Variants in ZDHHC14 observed in about 807,000 individuals in gnomAD.
ZDHHC14 encodes the protein zDHHC palmitoyltransferase 14, also known as palmitoyltransferase ZDHHC14.
A neutral mutation model predicts 47.7 loss-of-function variants in ZDHHC14; 16 were observed. The observed-to-expected ratio is 0.34, with a 90% CI of 0.23 to 0.51. The LOEUF (loss-of-function observed/expected upper bound fraction) is 0.51. Ranked by LOEUF, ZDHHC14 falls within the 20% of genes least tolerant of loss-of-function variation. ZDHHC14 has a pLI of 0.97. For missense variants in ZDHHC14, 515 were observed against 662.5 expected (o/e 0.78, Z 2.44); for synonymous variants, 293 against 278.9 (o/e 1.05, Z -0.50).
intron 1 of ZDHHC14, among the ~76,000 whole-genome samples, chr6:157,511,043 G>A (rs1444550874): frequency 6.6e-6 from 1 of 152,198 alleles, no homozygotes; most frequent in Non-Finnish European, 1.5e-5. Flanking sequence ...CTCGCCGACC[G>A]CAGCCTCCGC....
chr6:157,383,260 A>G (rs1777249730), intron 1 of ZDHHC14, among the ~76,000 whole-genome samples: 1 of 152,178 alleles, frequency 6.6e-6, no homozygotes, highest in African/African-American at 2.4e-5. Context: ...TCCTATGTTC[A>G]ATGAAAGGTG....
In ZDHHC14 at chr6:157,592,970, CTCT is replaced by C. The variant is rs772135347; in HGVS notation, c.407-13_407-11del. 4.4e-6 allele frequency: 7 copies of C among 1,604,204 alleles called. No individual in the cohort carries two copies. The South Asian group carries it at 4.5e-5, about 10-fold the overall frequency. ...GAGGCTCTGAAGGTGTGCGCTCTTT[CTCT>C]TCTTTTCTCCACAGATATCGCAAAC... On this transcript the variant is annotated splice_polypyrimidine_tract_variant and intron_variant, in intron 2 of 8. Coordinates refer to ENST00000359775, the MANE Select transcript of ZDHHC14 (RefSeq NM_024630.3).
At chr6:157,422,573 G>A (rs546439668) in intron 1 of ZDHHC14, among the ~76,000 whole-genome samples, 3 of 152,292 alleles carry the variant, frequency 2.0e-5, no homozygotes, top group South Asian at 4.1e-4. Context: ...CATAGAACCC[G>A]AGGTAACTGA....
chr6:157,487,177 G>A (rs1350594856), intron 1 of ZDHHC14, among the ~76,000 whole-genome samples: 1 of 152,220 alleles, frequency 6.6e-6, no homozygotes, highest in Non-Finnish European at 1.5e-5. Flanking sequence ...CCCGGCCCTG[G>A]CCACCTTGCC....
chr6:157,488,768 G>T (rs980748927), intron 1 of ZDHHC14, among the ~76,000 whole-genome samples: 3 of 152,196 alleles, frequency 2.0e-5, no homozygotes, highest in African/African-American at 7.2e-5. Flanking sequence ...TCACAGACGT[G>T]TCTTTAAGAA....
intron 1 of ZDHHC14, among the ~76,000 whole-genome samples, chr6:157,527,122 G>A (rs147283956): frequency 0.016 from 2,460 of 152,256 alleles, 34 homozygotes; most frequent in Admixed American, 0.026. Flanking sequence ...ATGGCCGTAG[G>A]TAAGGCCAAC....
intron 1 of ZDHHC14, among the ~76,000 whole-genome samples, chr6:157,422,251 ACT>A (rs1431698434): frequency 6.6e-6 from 1 of 151,516 alleles, no homozygotes; most frequent in Non-Finnish European, 1.5e-5. Flanking sequence ...ATGTCAGAAA[ACT>A]CTCTGTGTTA....
At chr6:157,468,801 GT>G in intron 1 of ZDHHC14, among the ~76,000 whole-genome samples, 1 of 152,300 alleles carries the variant, frequency 6.6e-6, no homozygotes, top group East Asian at 1.9e-4. Flanking sequence ...CATTCTTACT[GT>G]TAATTAGTCC....
At position 157,645,897 on chromosome 6, in the gene ZDHHC14, GA is replaced by G. The variant is rs1401215248; in HGVS notation, c.855+63del. 9 of 1,470,978 alleles carry G rather than the reference GA, an allele frequency of 6.1e-6. No homozygotes were observed. The African/African-American group carries it at 8.4e-5, about 14-fold the overall frequency. The allele number at this position is 1,470,978 out of a possible 1,614,324, so 91.1% of individuals were successfully genotyped here. ...TTCTTGGGTTTTGGGCAATGGAGGA[GA>G]AAAAGGAAAGAAAAGGTTGAGCCCA... is the stretch of plus-strand genomic sequence containing the variant. On this transcript the variant is annotated intron_variant, in intron 6 of 8. Coordinates refer to ENST00000359775, the MANE Select transcript of ZDHHC14 (RefSeq NM_024630.3).
chr6:157,633,124 T>C (rs554326661), intron 5 of ZDHHC14, among the ~76,000 whole-genome samples: 1 of 152,080 alleles, frequency 6.6e-6, no homozygotes, highest in Non-Finnish European at 1.5e-5. Context: ...CCCCCAGAAA[T>C]CAGCATGGAT....
At chr6:157,431,231 G>A (rs753113713) in intron 1 of ZDHHC14, among the ~76,000 whole-genome samples, 13 of 152,184 alleles carry the variant, frequency 8.5e-5, no homozygotes, top group Non-Finnish European at 1.8e-4. Context: ...AAGGCTCAGG[G>A]AGGCTTGTAA....
intron 1 of ZDHHC14, among the ~76,000 whole-genome samples, chr6:157,424,197 A>C (rs887277899): frequency 6.6e-6 from 1 of 152,224 alleles, no homozygotes; most frequent in Non-Finnish European, 1.5e-5. Flanking sequence ...GTTCTGTCTG[A>C]AAAATGTGTT....
intron 3 of ZDHHC14, among the ~76,000 whole-genome samples, chr6:157,617,243 A>G (rs1166193067): frequency 6.6e-6 from 1 of 152,186 alleles, no homozygotes; most frequent in Non-Finnish European, 1.5e-5. Context: ...ACATATTTGC[A>G]TTTCTTTGCT....
rs76243743 is a variant in ZDHHC14 at position 157,658,736 on chromosome 6, G to A, written c.1068+5109G>A. On this transcript the variant is annotated intron_variant, in intron 8 of 8. Coordinates refer to ENST00000359775, the MANE Select transcript of ZDHHC14 (RefSeq NM_024630.3). Reference sequence around the variant, plus strand: ...GTTTGCTAGTATTTTGTTAAGGATCGTTCTGTCTGTATTCATAAGGGAATT... The same window carrying A: ...GTTTGCTAGTATTTTGTTAAGGATCATTCTGTCTGTATTCATAAGGGAATT... 7.2e-3 allele frequency among the ~76,000 whole-genome samples: 1,091 copies of A among 152,232 alleles called. 7 individuals are homozygous for A. Among genetic ancestry groups the A allele is most frequent in the Non-Finnish European group, 0.01 (712 of 68,016 alleles).
intron 3 of ZDHHC14, among the ~76,000 whole-genome samples, chr6:157,597,422 G>A (rs1784175648): frequency 6.6e-6 from 1 of 152,230 alleles, no homozygotes; most frequent in Non-Finnish European, 1.5e-5. Context: ...GCTTTCGCTG[G>A]AATGCGTATT....
intron 1 of ZDHHC14, among the ~76,000 whole-genome samples, chr6:157,406,079 A>C (rs1777753807): frequency 2.0e-5 from 3 of 152,194 alleles, no homozygotes; most frequent in African/African-American, 7.2e-5. Context: ...TAAAAATATT[A>C]ATTCCTAGCG....
intron 1 of ZDHHC14, among the ~76,000 whole-genome samples, chr6:157,500,493 A>G (rs546740090): frequency 2.0e-4 from 31 of 152,348 alleles, no homozygotes; most frequent in African/African-American, 7.5e-4. Flanking sequence ...TACAGAAGCT[A>G]TCATAAGATT....
chr6:157,596,866 CG>C, intron 3 of ZDHHC14, among the ~76,000 whole-genome samples: 1 of 152,278 alleles, frequency 6.6e-6, no homozygotes, highest in South Asian at 2.1e-4. Flanking sequence ...ATGCCACCAT[CG>C]GTGCTCCCAA....
intron 3 of ZDHHC14, among the ~76,000 whole-genome samples, chr6:157,614,779 T>C (rs1219222007): frequency 7.0e-6 from 1 of 142,164 alleles, no homozygotes; most frequent in Non-Finnish European, 1.5e-5. Context: ...TTTTTTTTTG[T>C]TTTTTTTTTG....
Sources: allele counts gnomAD v4.1 joint callset (sites outside exome capture counted in the v4.1 genomes callset), GRCh38; gene constraint gnomAD v4.1.1; transcripts MANE v1.5; gene names NCBI Gene and HGNC (gene_info 2026-07-23, HGNC 2026-07-21).